Variants in ELMO1 observed in about 807,000 individuals in gnomAD.
ELMO1 encodes engulfment and cell motility 1.
Under a neutral mutation model 98.9 loss-of-function variants are expected in ELMO1, and 26 were observed. The observed-to-expected ratio is 0.26, with a 90% CI of 0.19 to 0.36. The LOEUF is 0.36. Ranked by LOEUF, ELMO1 falls within the 10% of genes least tolerant of loss-of-function variation. The probability of loss-of-function intolerance (pLI) is 1.00; values close to 1 mark genes in which losing one functional copy is unlikely to be tolerated. For synonymous variants in ELMO1, 346 were observed against 346.0 expected, an observed-to-expected ratio of 1.00 and a Z score of 0.00; for missense variants, 627 against 935.2, an observed-to-expected ratio of 0.67 and a Z score of 4.30.
intron 15 of ELMO1, among the ~76,000 whole-genome samples, chr7:37,029,344 CA>C (rs531251564): frequency 1.2e-3 from 175 of 151,994 alleles, no homozygotes; most frequent in African/African-American, 3.6e-3. Flanking sequence ...AATCTCTCAT[CA>C]GTAAGTAGCC....
intron 1 of ELMO1, among the ~76,000 whole-genome samples, chr7:37,426,142 C>CTT (rs36086006): frequency 0.023 from 1,936 of 84,576 alleles, 163 homozygotes; most frequent in Middle Eastern, 0.036. Flanking sequence ...TTTTTTCTTT[C>CTT]TTTTTTTTTT....
chr7:37,166,785 G>A (rs1789728069), intron 13 of ELMO1, among the ~76,000 whole-genome samples: 1 of 152,130 alleles, frequency 6.6e-6, no homozygotes, highest in African/African-American at 2.4e-5. Context: ...GAATAGGTGT[G>A]GTGTGGTGCT....
intron 6 of ELMO1, among the ~76,000 whole-genome samples, chr7:37,250,687 G>A (rs1795294519): frequency 6.6e-6 from 1 of 151,400 alleles, no homozygotes; most frequent in Non-Finnish European, 1.5e-5. Context: ...AGCTACTCTG[G>A]AGGCTGAGGC....
At chr7:37,028,376 A>G (rs183092993) in intron 15 of ELMO1, among the ~76,000 whole-genome samples, 49 of 152,244 alleles carry the variant, frequency 3.2e-4, no homozygotes, top group Admixed American at 2.6e-3. Flanking sequence ...TTTTATGGAG[A>G]CTTGATCTTG....
chr7:36,863,556 A>C (rs1228446557), intron 20 of ELMO1, among the ~76,000 whole-genome samples: 1 of 152,270 alleles, frequency 6.6e-6, no homozygotes, highest in Non-Finnish European at 1.5e-5. Flanking sequence ...ATCTGAAAGA[A>C]CATTATGAGA....
At chr7:37,442,893 A>C (rs1400151276) in intron 1 of ELMO1, among the ~76,000 whole-genome samples, 1 of 152,260 alleles carries the variant, frequency 6.6e-6, no homozygotes, top group Non-Finnish European at 1.5e-5. Flanking sequence ...CAGTGCAGAC[A>C]TCATGGTGCA....
At chr7:36,933,061 G>C (rs1194993272) in intron 16 of ELMO1, among the ~76,000 whole-genome samples, 3 of 152,182 alleles carry the variant, frequency 2.0e-5, no homozygotes, top group Admixed American at 6.5e-5. Flanking sequence ...ATCCCGCACT[G>C]CCATGATAGA....
chr7:37,124,095 T>C (rs1563017945), intron 14 of ELMO1, among the ~76,000 whole-genome samples: 1 of 152,186 alleles, frequency 6.6e-6, no homozygotes, highest in East Asian at 1.9e-4. Context: ...CCCTTCATGC[T>C]AAAAACTCTC....
chr7:37,175,643 C>T (rs913795796), intron 13 of ELMO1, among the ~76,000 whole-genome samples: 9 of 152,104 alleles, frequency 5.9e-5, no homozygotes, highest in African/African-American at 2.2e-4. Context: ...CTCAGGAGTT[C>T]GAGACCAGCC....
intron 16 of ELMO1, among the ~76,000 whole-genome samples, chr7:36,920,876 T>C (rs776009487): frequency 3.3e-5 from 5 of 152,180 alleles, no homozygotes; most frequent in Non-Finnish European, 5.9e-5. Context: ...AAGGTCTTCA[T>C]CTATGGTCTG....
At chr7:37,260,244 T>C (rs2723977) in intron 5 of ELMO1, among the ~76,000 whole-genome samples, 49,204 of 152,098 alleles carry the variant, frequency 0.32, 8,083 homozygotes, top group Middle Eastern at 0.44. Context: ...AGCACTCTGC[T>C]ATCATCATAT....
intron 1 of ELMO1, among the ~76,000 whole-genome samples, chr7:37,372,458 T>C (rs898184029): frequency 6.6e-6 from 1 of 152,324 alleles, no homozygotes; most frequent in South Asian, 2.1e-4. Flanking sequence ...TGGTATATAC[T>C]ACATGCTCAA....
chr7:37,336,043 A>G (rs907490632), intron 2 of ELMO1, among the ~76,000 whole-genome samples: 4 of 152,078 alleles, frequency 2.6e-5, no homozygotes, highest in African/African-American at 9.7e-5. Context: ...CCTGGGCAAC[A>G]TGGCAAAACC....
At chr7:37,084,269 G>C (rs1783639692) in intron 15 of ELMO1, among the ~76,000 whole-genome samples, 1 of 152,148 alleles carries the variant, frequency 6.6e-6, no homozygotes, top group African/African-American at 2.4e-5. Context: ...AGAGGTTTCA[G>C]GGTAAAATGC....
intron 16 of ELMO1, among the ~76,000 whole-genome samples, chr7:36,958,661 T>A (rs1009849746): frequency 6.6e-6 from 1 of 152,164 alleles, no homozygotes; most frequent in African/African-American, 2.4e-5. Context: ...CAGCTGATAA[T>A]GGCCTCTTCC....
chr7:37,041,561 G>A (rs1795509653), intron 15 of ELMO1, among the ~76,000 whole-genome samples: 2 of 152,182 alleles, frequency 1.3e-5, no homozygotes, highest in Admixed American at 1.3e-4. Flanking sequence ...GAAGTGGGGA[G>A]CAAGGAAGCG....
rs185997479 is a variant in ELMO1 at position 37,197,872 on chromosome 7, C to T, written c.1086+13514G>A. Among the ~76,000 whole-genome samples the T allele has an allele frequency of 4.6e-5, 7 of 152,296 alleles. No homozygotes were observed. The East Asian group carries it at 9.7e-4, about 21-fold the overall frequency. ...TACCAGGACCCCATCACCACTCAGC[C>T]CTGCCAGACTCTGGTGGTCCTCTGT... On this transcript the variant is annotated intron_variant, in intron 13 of 21. Coordinates refer to ENST00000310758, the MANE Select transcript of ELMO1 (RefSeq NM_014800.11).
intron 4 of ELMO1, among the ~76,000 whole-genome samples, chr7:37,297,822 T>C (rs1284416459): frequency 2.0e-5 from 3 of 152,178 alleles, no homozygotes; most frequent in Non-Finnish European, 4.4e-5. Context: ...TATAATAAAG[T>C]AGGCTGAGTA....
At chr7:37,007,618 T>C (rs1158131190) in intron 16 of ELMO1, among the ~76,000 whole-genome samples, 1 of 152,198 alleles carries the variant, frequency 6.6e-6, no homozygotes, top group African/African-American at 2.4e-5. Context: ...GAATATATAA[T>C]TGTCCCCTGA....
Sources: allele counts gnomAD v4.1 joint callset (sites outside exome capture counted in the v4.1 genomes callset), GRCh38; gene constraint gnomAD v4.1.1; transcripts MANE v1.5; gene names NCBI Gene and HGNC (gene_info 2026-07-23, HGNC 2026-07-21).